Variants in SENP7 observed in about 807,000 individuals in gnomAD.
The protein encoded by SENP7 is sentrin-specific protease 7.
SENP7 carries 64 observed loss-of-function variants against 141.2 expected under a neutral mutation model. The observed-to-expected ratio is 0.45, with a 90% CI of 0.37 to 0.56. SENP7 has a LOEUF of 0.56. Ranked by LOEUF, SENP7 falls within the 20% of genes least tolerant of loss-of-function variation. SENP7 has a pLI of 0.00. For missense variants in SENP7, 1,025 were observed against 1,212.2 expected (o/e 0.85, Z 2.29); for synonymous variants, 382 against 426.4 (o/e 0.90, Z 1.28).
At chr3:101,342,759 G>A (rs1376843036) in intron 14 of SENP7, among the ~76,000 whole-genome samples, 1 of 151,534 alleles carries the variant, frequency 6.6e-6, no homozygotes, top group Non-Finnish European at 1.5e-5. Flanking sequence ...TCCACCTCCC[G>A]GGTTCAAGCG....
chr3:101,352,415 A>C (rs757874140), intron 11 of SENP7, among the ~76,000 whole-genome samples: 3 of 151,972 alleles, frequency 2.0e-5, no homozygotes, highest in Admixed American at 6.6e-5. Context: ...CATTCCTAGC[A>C]TTCATCTTTC....
chr3:101,512,118 C>A (rs1232840933), intron 1 of SENP7, among the ~76,000 whole-genome samples: 1 of 152,214 alleles, frequency 6.6e-6, no homozygotes, highest in Admixed American at 6.5e-5. Context: ...CCGCGCCCGG[C>A]CAATAAATCT....
intron 11 of SENP7, among the ~76,000 whole-genome samples, chr3:101,359,903 GTAA>G (rs1213595147): frequency 6.6e-6 from 1 of 151,666 alleles, no homozygotes; most frequent in Non-Finnish European, 1.5e-5. Flanking sequence ...ACCTGACTGT[GTAA>G]TAATATAATT....
chr3:101,453,264 G>T lies in SENP7; in HGVS notation c.284+5691C>A, dbSNP rs2063218175. On this transcript the variant is annotated intron_variant, in intron 4 of 23. Coordinates refer to ENST00000394095, the MANE Select transcript of SENP7 (RefSeq NM_020654.5). ...GAAACTGGAATACTTTTACACTGTT[G>T]GTGGGACTGTAAACTAGTTCAACCA... is the stretch of plus-strand genomic sequence containing the variant. Among the ~76,000 whole-genome samples the T allele has an allele frequency of 2.6e-5, 4 of 152,200 alleles. 1 individual carries two copies. The South Asian group carries it at 8.3e-4, about 32-fold the overall frequency.
At chr3:101,378,095 C>G (rs2060386619) in intron 6 of SENP7, among the ~76,000 whole-genome samples, 1 of 151,368 alleles carries the variant, frequency 6.6e-6, no homozygotes, top group African/African-American at 2.4e-5. Context: ...ATCTTACCAC[C>G]ACATTCCTAA....
chr3:101,341,639 T>G lies in SENP7; in HGVS notation c.2240+7A>C. 1 of 1,581,732 alleles carries G rather than the reference T, an allele frequency of 6.3e-7. No individual in the cohort carries two copies. The highest frequency in any genetic ancestry group is 8.6e-7 in the Non-Finnish European group (1 of 1,156,862). On this transcript the variant is annotated splice_region_variant and intron_variant, in intron 15 of 23. Transcript: ENST00000394095. ...ATCTACTACAAACATGCTATGACAG[T>G]ACATACTTCTGAACAAGTCCAGTGT...
At chr3:101,332,345 T>C (rs546384433) in intron 18 of SENP7, among the ~76,000 whole-genome samples, 2 of 152,306 alleles carry the variant, frequency 1.3e-5, no homozygotes, top group Admixed American at 1.3e-4. Flanking sequence ...TTTACTTTCA[T>C]ACAATCGGTG....
At chr3:101,468,567 G>A (rs576677441) in intron 3 of SENP7, among the ~76,000 whole-genome samples, 1 of 152,120 alleles carries the variant, frequency 6.6e-6, no homozygotes, top group Non-Finnish European at 1.5e-5. Flanking sequence ...CATTCTTAAA[G>A]AAAAGAATTT....
At chr3:101,453,326 G>C (rs1437528565) in intron 4 of SENP7, among the ~76,000 whole-genome samples, 1 of 152,134 alleles carries the variant, frequency 6.6e-6, no homozygotes, top group Non-Finnish European at 1.5e-5. Context: ...CAGGGATCTA[G>C]AACAAGAAAT....
In SENP7 at chr3:101,354,932, T is replaced by C. The variant is rs140328932; in HGVS notation, c.1624-3281A>G. Among the ~76,000 whole-genome samples the C allele has an allele frequency of 1.9e-4, 29 of 152,294 alleles. No homozygotes were observed. The East Asian group carries it at 5.0e-3, about 26-fold the overall frequency. ...AATAGCCATTCTGACTGGTATGAGA[T>C]GGTATCTCACTGTGGTTTTGATTTG... On this transcript the variant is annotated intron_variant, in intron 11 of 23. Coordinates refer to ENST00000394095, the MANE Select transcript of SENP7 (RefSeq NM_020654.5).
At chr3:101,424,607 C>G (rs1009496393) in intron 4 of SENP7, among the ~76,000 whole-genome samples, 1 of 152,050 alleles carries the variant, frequency 6.6e-6, no homozygotes, top group Non-Finnish European at 1.5e-5. Flanking sequence ...CTGCCTACAG[C>G]GCACAGAGAA....
intron 11 of SENP7, among the ~76,000 whole-genome samples, chr3:101,361,372 G>C (rs962650070): frequency 6.6e-6 from 1 of 152,046 alleles, no homozygotes; most frequent in African/African-American, 2.4e-5. Context: ...GTTTACAACC[G>C]TTTAAACTGG....
intron 3 of SENP7, among the ~76,000 whole-genome samples, chr3:101,488,572 T>C (rs1409127969): frequency 1.3e-5 from 2 of 152,222 alleles, no homozygotes; most frequent in African/African-American, 2.4e-5. Context: ...CCAGGCGCGG[T>C]GGCTCATGCC....
intron 3 of SENP7, among the ~76,000 whole-genome samples, chr3:101,482,168 C>G (rs1220713332): frequency 6.6e-6 from 1 of 151,790 alleles, no homozygotes; most frequent in African/African-American, 2.4e-5. Flanking sequence ...AAAAAATTAG[C>G]CAGGTGTGGT....
At chr3:101,492,978 C>A (rs1275093334) in intron 3 of SENP7, among the ~76,000 whole-genome samples, 1 of 152,076 alleles carries the variant, frequency 6.6e-6, no homozygotes, top group East Asian at 1.9e-4. Context: ...GCAACACAGA[C>A]CCTGACTCTA....
chr3:101,419,784 G>A (rs1029270371), intron 4 of SENP7, among the ~76,000 whole-genome samples: 4 of 152,182 alleles, frequency 2.6e-5, no homozygotes, highest in Non-Finnish European at 5.9e-5. Context: ...ATTGCATTAA[G>A]TGCTAATATT....
intron 6 of SENP7, among the ~76,000 whole-genome samples, chr3:101,380,444 C>CT (rs1559744914): frequency 1.9e-5 from 2 of 106,970 alleles, no homozygotes; most frequent in Non-Finnish European, 4.1e-5. Flanking sequence ...CGCCCCCCCC[C>CT]CCACACACAC....
At chr3:101,410,719 C>T (rs2061431377) in intron 5 of SENP7, among the ~76,000 whole-genome samples, 1 of 152,052 alleles carries the variant, frequency 6.6e-6, no homozygotes, top group Non-Finnish European at 1.5e-5. Flanking sequence ...GTGGCACACA[C>T]CTGCGATCCC....
intron 4 of SENP7, among the ~76,000 whole-genome samples, chr3:101,437,146 T>C (rs1333631738): frequency 1.3e-5 from 2 of 152,202 alleles, no homozygotes; most frequent in African/African-American, 4.8e-5. Flanking sequence ...ATGTTCTCAC[T>C]TATTTGTGGG....
Sources: gnomAD v4.1 joint callset for allele counts (sites outside exome capture counted in the v4.1 genomes callset) on GRCh38, gnomAD v4.1.1 for gene constraint, MANE v1.5 for transcripts, NCBI Gene and HGNC (gene_info 2026-07-23, HGNC 2026-07-21) for gene names.